Variants in GABRA5 observed in about 807,000 individuals in gnomAD.
GABRA5 encodes the protein gamma-aminobutyric acid type A receptor subunit alpha5, also known as gamma-aminobutyric acid receptor subunit alpha-5.
Under a neutral mutation model 47.3 loss-of-function variants are expected in GABRA5, and 18 were observed. That is an observed-to-expected ratio of 0.38 (90% confidence interval 0.26 to 0.56). The LOEUF (loss-of-function observed/expected upper bound fraction) is 0.56, where lower values mean the gene tolerates loss of function less well. Among genes scored for constraint, GABRA5 ranks in the 20% least tolerant of loss-of-function variants. GABRA5 has a pLI of 0.71. For missense variants in GABRA5, 365 were observed against 599.3 expected, an observed-to-expected ratio of 0.61 and a Z score of 4.08; for synonymous variants, 237 against 229.3, an observed-to-expected ratio of 1.03 and a Z score of -0.30.
At chr15:26,939,138 C>T in intron 8 of GABRA5, 1 of 721,874 alleles carries the variant, frequency 1.4e-6, no homozygotes, top group Non-Finnish European at 2.5e-6. Flanking sequence ...TCAAAGAACA[C>T]TTCCCATCTC....
chr15:26,875,957 G>A (rs1892587534), intron 3 of GABRA5, among the ~76,000 whole-genome samples: 4 of 152,176 alleles, frequency 2.6e-5, no homozygotes, highest in South Asian at 2.1e-4. Context: ...GGGTTAACCC[G>A]AGATGCAGTG....
intron 1 of GABRA5, chr15:26,868,096 C>G (rs1892366969): frequency 6.6e-6 from 1 of 151,926 alleles, no homozygotes; most frequent in Admixed American, 6.6e-5. Flanking sequence ...GCGCGCCGGC[C>G]CTGGTGAGCC....
Position 26,883,780 on chromosome 15 carries a change from G to A in GABRA5, c.497+223G>A, listed in dbSNP as rs914368285. On this transcript the variant is annotated intron_variant, in intron 6 of 10. Coordinates refer to ENST00000335625, the MANE Select transcript of GABRA5 (RefSeq NM_000810.4). This position sits in a 1 kb window ranked among gnomAD's most constrained non-coding sequence, Gnocchi z 4.8. ...CCGTGGCCGTTTGTCATTTGGACTC[G>A]TTTATTCGGTTCAAGCTCAAGAGCA... Among the ~76,000 whole-genome samples the A allele has an allele frequency of 3.9e-5, 6 of 152,308 alleles. No homozygotes were observed. Among genetic ancestry groups the A allele is most frequent in the African/African-American group, 1.2e-4 (5 of 41,576 alleles).
At chr15:26,885,670 T>A (rs1452910267) in intron 6 of GABRA5, among the ~76,000 whole-genome samples, 1 of 152,210 alleles carries the variant, frequency 6.6e-6, no homozygotes, top group Non-Finnish European at 1.5e-5. Context: ...AGAGAGGTTG[T>A]TGAAAACCTG....
chr15:26,920,804 T>A (rs1014262940), intron 7 of GABRA5, among the ~76,000 whole-genome samples: 1 of 152,180 alleles, frequency 6.6e-6, no homozygotes, highest in African/African-American at 2.4e-5. Flanking sequence ...ACTTTCTTTA[T>A]TCTAAGCAGC....
chr15:26,909,026 C>T (rs970289120), intron 6 of GABRA5, among the ~76,000 whole-genome samples: 3 of 152,208 alleles, frequency 2.0e-5, no homozygotes, highest in Non-Finnish European at 4.4e-5. Context: ...TAGTTAGTGA[C>T]TTTTCAACAC....
At chr15:26,881,105 C>A in intron 4 of GABRA5, 138 bp downstream of exon 4, 1 of 882,220 alleles carries the variant, frequency 1.1e-6, no homozygotes, top group Non-Finnish European at 1.6e-6. Context: ...GGCTGTTCCA[C>A]TCTTGCCAAG....
intron 3 of GABRA5, among the ~76,000 whole-genome samples, chr15:26,876,546 CTT>C (rs1479018546): frequency 6.6e-6 from 1 of 152,160 alleles, no homozygotes; most frequent in Non-Finnish European, 1.5e-5. Context: ...AGGACCAAGA[CTT>C]GATCTTCAGA....
chr15:26,920,991 G>A (rs1006282841), intron 7 of GABRA5, among the ~76,000 whole-genome samples: 2 of 152,058 alleles, frequency 1.3e-5, no homozygotes, highest in Admixed American at 6.6e-5. Flanking sequence ...CTGCCTTGCA[G>A]CCCTGGAATA....
chr15:26,906,074 A>T (rs750967667), intron 6 of GABRA5, among the ~76,000 whole-genome samples: 25 of 151,884 alleles, frequency 1.6e-4, no homozygotes, highest in Non-Finnish European at 1.2e-4. Flanking sequence ...GGATATTTTG[A>T]TTATTATAAT....
intron 6 of GABRA5, among the ~76,000 whole-genome samples, chr15:26,891,224 G>A (rs992608309): frequency 2.0e-5 from 3 of 152,150 alleles, no homozygotes; most frequent in Admixed American, 2.0e-4. Context: ...GCACATGTTT[G>A]CTTTCTTAGG....
intron 6 of GABRA5, among the ~76,000 whole-genome samples, chr15:26,907,366 TG>T (rs1413982779): frequency 1.3e-5 from 2 of 152,246 alleles, no homozygotes; most frequent in African/African-American, 2.4e-5. Context: ...AATTCTATTA[TG>T]TATAAAATAG....
intron 9 of GABRA5, 150 bp from the exon 10 acceptor site, chr15:26,943,065 C>T (rs2140595717): frequency 1.6e-6 from 1 of 617,520 alleles, no homozygotes; most frequent in Non-Finnish European, 2.7e-6. Context: ...GCCTGGGCGA[C>T]AGAGCAAGAC....
At position 26,914,685 on chromosome 15, in the gene GABRA5, C is replaced by T. The variant is rs561071745; in HGVS notation, c.498-118C>T. 30 of 727,584 alleles carry T rather than the reference C, an allele frequency of 4.1e-5. No individual in the cohort carries two copies. The South Asian group carries it at 4.7e-4, about 11-fold the overall frequency. The allele number at this position is 727,584 out of a possible 1,614,324, so 45.1% of individuals were successfully genotyped here. ...ATTTGGTGGGGATAGTTCAGATAAT[C>T]TCATAAGAGACATTAATTTTTAAAA... On this transcript the variant is annotated intron_variant, in intron 6 of 10. Transcript: ENST00000335625.
chr15:26,901,260 T>C (rs1381932281), intron 6 of GABRA5, among the ~76,000 whole-genome samples: 1 of 152,194 alleles, frequency 6.6e-6, no homozygotes, highest in Non-Finnish European at 1.5e-5. Context: ...GCTGAACCAA[T>C]TTGCATTCAC....
At chr15:26,893,808 G>T (rs1274927484) in intron 6 of GABRA5, among the ~76,000 whole-genome samples, 1 of 152,076 alleles carries the variant, frequency 6.6e-6, no homozygotes, top group Non-Finnish European at 1.5e-5. Flanking sequence ...TGCGAAGGTG[G>T]AGAGGCTGGG....
intron 7 of GABRA5, among the ~76,000 whole-genome samples, chr15:26,924,318 C>T (rs775197291): frequency 2.0e-5 from 3 of 151,992 alleles, no homozygotes; most frequent in Non-Finnish European, 4.4e-5. Flanking sequence ...CTTCCAGATC[C>T]ATGCTAGGCC....
intron 3 of GABRA5, among the ~76,000 whole-genome samples, chr15:26,875,265 A>G (rs1280251616): frequency 6.6e-6 from 1 of 152,164 alleles, no homozygotes; most frequent in Non-Finnish European, 1.5e-5. Flanking sequence ...GAGCACAGTA[A>G]GGTCATTGCC....
Position 26,942,969 on chromosome 15 carries a change from A to G in GABRA5, c.878-246A>G, listed in dbSNP as rs529151075. 3.9e-5 allele frequency among the ~76,000 whole-genome samples: 6 copies of G among 152,272 alleles called. No homozygotes were observed. The East Asian group carries it at 1.2e-3, about 29-fold the overall frequency. On this transcript the variant is annotated intron_variant, in intron 9 of 10. Coordinates refer to ENST00000335625, the MANE Select transcript of GABRA5 (RefSeq NM_000810.4). ...TGTGGTGACACCTGCCTGTAATCCC[A>G]GCTACTCAGGCAGCTGAGGCACAAG...
Sources: gnomAD v4.1 joint callset for allele counts (sites outside exome capture counted in the v4.1 genomes callset) on GRCh38, gnomAD v4.1.1 for gene constraint, Gnocchi (gnomAD v3.1) non-coding constraint, MANE v1.5 for transcripts, NCBI Gene and HGNC (gene_info 2026-07-23, HGNC 2026-07-21) for gene names.